The following FGFR2 variants were observed in gnomAD, a reference collection of about 807,000 sequenced individuals.
FGFR2 encodes fibroblast growth factor receptor 2, also known as BEK fibroblast growth factor receptor.
Under a neutral mutation model 95.9 loss-of-function variants are expected in FGFR2, and 19 were observed. The ratio of observed to expected loss-of-function variants is 0.20; its 90% CI spans 0.14 to 0.29. FGFR2 has a LOEUF of 0.29. FGFR2 is among the 10% of genes least tolerant of loss of function. FGFR2 has a pLI of 1.00. For missense variants in FGFR2, 707 were observed against 1,056.9 expected (o/e 0.67, Z 4.59); for synonymous variants, 392 against 393.3 (o/e 1.00, Z 0.04).
intron 6 of FGFR2, among the ~76,000 whole-genome samples, chr10:121,521,950 A>G (rs1435774205): frequency 6.6e-6 from 1 of 152,228 alleles, no homozygotes; most frequent in African/African-American, 2.4e-5. Context: ...ACACAACGGA[A>G]TACTATTCAG....
chr10:121,507,380 G>A (rs1848453559), intron 9 of FGFR2, among the ~76,000 whole-genome samples: 1 of 152,206 alleles, frequency 6.6e-6, no homozygotes, highest in South Asian at 2.1e-4. Context: ...CTGAGGTCAG[G>A]AGTTCGAGAC....
intron 13 of FGFR2, among the ~76,000 whole-genome samples, chr10:121,489,135 C>T (rs543702495): frequency 1.5e-4 from 23 of 152,132 alleles, no homozygotes; most frequent in African/African-American, 5.1e-4. Context: ...TGCAATGGTG[C>T]GATCTTGGCT....
chr10:121,584,172 A>C (rs936644630), intron 2 of FGFR2, among the ~76,000 whole-genome samples: 11 of 151,948 alleles, frequency 7.2e-5, no homozygotes, highest in African/African-American at 2.7e-4. Context: ...TGTCCACTTC[A>C]GTACTGTGGG....
chr10:121,593,459 T>A (rs1862974058), intron 2 of FGFR2, among the ~76,000 whole-genome samples: 1 of 152,156 alleles, frequency 6.6e-6, no homozygotes. Flanking sequence ...AACTCCCAGC[T>A]GTCTCCCTCA....
chr10:121,503,964 C>G lies in FGFR2; in HGVS notation c.1288-23G>C, dbSNP rs3135774. ...AACCTGGATACAAAATGCAAAGACA[C>G]AGATGTAATCCTGGCTCCATCTGAG... On this transcript the variant is annotated intron_variant, in intron 9 of 17. Transcript: ENST00000358487. The G allele has an allele frequency of 8.4e-3, 13,598 of 1,613,614 alleles. 373 individuals carry two copies. The Admixed American group carries it at 0.094, about 11-fold the overall frequency.
At chr10:121,559,111 G>GAAAAAAAAAAA (rs904279035) in intron 4 of FGFR2, among the ~76,000 whole-genome samples, 16 of 55,200 alleles carry the variant, frequency 2.9e-4, no homozygotes, top group Non-Finnish European at 2.8e-4. Flanking sequence ...TCCAAAAGGA[G>GAAAAAAAAAAA]AAAAAAAAAA....
Position 121,478,455 on chromosome 10 carries a change from A to G in FGFR2, c.*1402T>C, listed in dbSNP as rs886046758. ...AATACTTTCTCCAATTTTGTAACAC[A>G]TAAGATCAGTGTAATCTGCATTCAT... is the stretch of plus-strand genomic sequence containing the variant. On this transcript the variant is annotated 3_prime_UTR_variant, in exon 18 of 18. Coordinates refer to ENST00000358487, the MANE Select transcript of FGFR2 (RefSeq NM_000141.5). 8 of 233,536 alleles carry G rather than the reference A, an allele frequency of 3.4e-5. No individual in the cohort carries two copies. The highest frequency in any genetic ancestry group is 1.2e-3 in the Middle Eastern group (1 of 808). 14.5% of individuals were successfully genotyped at this position (233,536 alleles called of 1,614,324 possible).
chr10:121,578,640 T>A (rs1046932689), intron 2 of FGFR2, among the ~76,000 whole-genome samples: 11 of 152,264 alleles, frequency 7.2e-5, no homozygotes, highest in Non-Finnish European at 1.6e-4. Context: ...CTGGGCGCTG[T>A]GGCTTACGCC....
chr10:121,485,427 T>C lies in FGFR2; in HGVS notation c.2163A>G (p.Arg721=), dbSNP rs1490508211. The change falls in exon 16 of 18, where the codon AGA becomes AGG. Residue 721 remains arginine (R), a synonymous_variant. Coordinates refer to ENST00000358487, the MANE Select transcript of FGFR2 (RefSeq NM_000141.5). This position sits in a 1 kb window ranked among gnomAD's most constrained non-coding sequence, Gnocchi z 4.2. The part of the protein sequence containing the change: ...ELFKLLKEGH[R]MDKPANCTNE... ...TGGTGCAGTTGGCTGGCTTATCCAT[T>C]CTGTGTCCTTCCTTCAGCAGCTTAA... is the stretch of plus-strand genomic sequence containing the variant. 1 of 1,614,094 alleles carries C rather than the reference T, an allele frequency of 6.2e-7. No individual in the cohort carries two copies. Among genetic ancestry groups the C allele is most frequent in the South Asian group, 1.1e-5 (1 of 91,070 alleles).
chr10:121,585,044 A>AT (rs1303544611), intron 2 of FGFR2, among the ~76,000 whole-genome samples: 2 of 152,120 alleles, frequency 1.3e-5, no homozygotes, highest in African/African-American at 4.8e-5. Context: ...GTGGCAGAGT[A>AT]TTTTGTATTT....
intron 9 of FGFR2, among the ~76,000 whole-genome samples, chr10:121,505,373 CA>C (rs377434612): frequency 4.5e-4 from 69 of 152,336 alleles, no homozygotes; most frequent in African/African-American, 1.6e-3. Context: ...TTAAAACGTA[CA>C]TGAGCACTTC....
At chr10:121,567,683 C>T (rs1301154725) in intron 2 of FGFR2, among the ~76,000 whole-genome samples, 1 of 152,238 alleles carries the variant, frequency 6.6e-6, no homozygotes, top group East Asian at 1.9e-4. Flanking sequence ...GGGCTGGTCC[C>T]TTGGCAGGAG....
At position 121,598,283 on chromosome 10, in the gene FGFR2, C is replaced by G. The variant is rs1471967778; in HGVS notation, c.-472G>C. 4 of 378,024 alleles carry G rather than the reference C, an allele frequency of 1.1e-5. No homozygotes were observed. Among genetic ancestry groups the G allele is most frequent in the African/African-American group, 4.2e-5 (2 of 47,774 alleles). 23.4% of individuals were successfully genotyped at this position (378,024 alleles called of 1,614,324 possible). ...AGGCAAGCTGCGGCCTCGGGGCCCC[C>G]GGGGCTCGCGGCCGGCCCCCGCCAG... On this transcript the variant is annotated 5_prime_UTR_variant, in exon 1 of 18. Coordinates refer to ENST00000358487, the MANE Select transcript of FGFR2 (RefSeq NM_000141.5).
In FGFR2 at chr10:121,560,745, C is replaced by T. The variant is rs567260734; in HGVS notation, c.454+3757G>A. On this transcript the variant is annotated intron_variant, in intron 4 of 17. Coordinates refer to ENST00000358487, the MANE Select transcript of FGFR2 (RefSeq NM_000141.5). Reference sequence around the variant, plus strand: ...AATCACAGAAGATACTTCCACTCACCTTATTATCCACTGTTTTACGAACAA... The same window carrying T: ...AATCACAGAAGATACTTCCACTCACTTTATTATCCACTGTTTTACGAACAA... Among the ~76,000 whole-genome samples the T allele has an allele frequency of 6.6e-5, 10 of 151,992 alleles. No individual in the cohort carries two copies. In the South Asian group the frequency reaches 2.1e-3, roughly 32 times the overall value.
intron 2 of FGFR2, among the ~76,000 whole-genome samples, chr10:121,590,936 A>G (rs1276523803): frequency 6.6e-6 from 1 of 152,218 alleles, no homozygotes; most frequent in African/African-American, 2.4e-5. Flanking sequence ...AGTTCTAATC[A>G]TGGAGAACTG....
At chr10:121,575,349 T>G (rs2912782) in intron 2 of FGFR2, among the ~76,000 whole-genome samples, 1 of 152,156 alleles carries the variant, frequency 6.6e-6, no homozygotes, top group African/African-American at 2.4e-5. Flanking sequence ...GTATCCCTCT[T>G]GCTTTTGATC....
At chr10:121,591,660 G>C (rs555758247) in intron 2 of FGFR2, among the ~76,000 whole-genome samples, 2 of 152,232 alleles carry the variant, frequency 1.3e-5, no homozygotes, top group East Asian at 3.9e-4. Flanking sequence ...CTTCCTCTAA[G>C]ACATCTTTTC....
intron 2 of FGFR2, among the ~76,000 whole-genome samples, chr10:121,576,004 A>T (rs998874244): frequency 9.2e-5 from 14 of 151,804 alleles, no homozygotes; most frequent in Non-Finnish European, 1.3e-4. Context: ...CCTGACCAAC[A>T]TGGAGAAACC....
At chr10:121,504,999 G>T (rs3135769) in intron 9 of FGFR2, among the ~76,000 whole-genome samples, 1 of 152,176 alleles carries the variant, frequency 6.6e-6, no homozygotes, top group Non-Finnish European at 1.5e-5. Flanking sequence ...CTCCAAGCAG[G>T]CAACTAGCCC....
Sources: allele counts gnomAD v4.1 joint callset (sites outside exome capture counted in the v4.1 genomes callset), GRCh38; gene constraint gnomAD v4.1.1; non-coding constraint Gnocchi (gnomAD v3.1); transcripts MANE v1.5; gene names NCBI Gene and HGNC (gene_info 2026-07-23, HGNC 2026-07-21).